Variants in MCM9 observed in about 807,000 individuals in gnomAD.
The protein encoded by MCM9 is DNA helicase MCM9.
MCM9 carries 55 observed loss-of-function variants against 72.8 expected under a neutral mutation model. The ratio of observed to expected loss-of-function variants is 0.76; its 90% CI spans 0.61 to 0.95. The LOEUF (loss-of-function observed/expected upper bound fraction) is 0.95. Among genes scored for constraint, MCM9 ranks in the 40% least tolerant of loss-of-function variants. The pLI is 0.00. For synonymous variants in MCM9, 480 were observed against 503.4 expected, an observed-to-expected ratio of 0.95 and a Z score of 0.62; for missense variants, 1,279 against 1,377.0, an observed-to-expected ratio of 0.93 and a Z score of 1.13.
At chr6:118,831,445 G>A (rs1418021258) in intron 9 of MCM9, among the ~76,000 whole-genome samples, 1 of 151,854 alleles carries the variant, frequency 6.6e-6, no homozygotes, top group African/African-American at 2.4e-5. Context: ...TAGGAGCAAG[G>A]AAAATACGGG....
At position 118,930,364 on chromosome 6, in the gene MCM9, G is replaced by T. The variant is rs12234134; in HGVS notation, c.304+1056C>A. Reference sequence around the variant, plus strand: ...CCTGACCTTGCGATCTGCCCGCCTTGGCCTCCCAAAGTGCTGGGATTACAG... The same window carrying T: ...CCTGACCTTGCGATCTGCCCGCCTTTGCCTCCCAAAGTGCTGGGATTACAG... On this transcript the variant is annotated intron_variant, in intron 3 of 13. Coordinates refer to ENST00000619706, the MANE Select transcript of MCM9 (RefSeq NM_017696.3). Among the ~76,000 whole-genome samples the T allele has an allele frequency of 3.3e-5, 5 of 152,186 alleles. No individual in the cohort carries two copies. The East Asian group carries it at 9.7e-4, about 29-fold the overall frequency.
At chr6:118,886,868 C>T (rs185377435) in intron 8 of MCM9, among the ~76,000 whole-genome samples, 351 of 152,152 alleles carry the variant, frequency 2.3e-3, no homozygotes, top group African/African-American at 7.9e-3. Context: ...TGGAGGCTGA[C>T]GTTGGGGGAT....
rs1776561008 is a variant in MCM9 at position 118,856,479 on chromosome 6, G to C, written c.1217C>G (p.Ala406Gly). The C allele has an allele frequency of 2.0e-6, 3 of 1,535,634 alleles. No individual in the cohort carries two copies. The highest frequency in any genetic ancestry group is 2.7e-5 in the African/African-American group (2 of 73,142). The change falls in exon 9 of 14, where the codon GCA (alanine) becomes GGA (glycine). Residue 406 changes from alanine (A) to glycine (G), a missense_variant. By Grantham distance (60) the Ala-to-Gly change is moderately conservative. Transcript: ENST00000619706. ...ATCAATACAGCAAAGGCCCGCATCTGCAAGAACTAATGCCCCAGCCTCCAA... is the reference window on the plus strand; with the variant it reads ...ATCAATACAGCAAAGGCCCGCATCTCCAAGAACTAATGCCCCAGCCTCCAA... ...WNLEAGALVL[A>G]DAGLCCIDEF...
chr6:118,873,805 C>T (rs1777766915), intron 8 of MCM9, among the ~76,000 whole-genome samples: 2 of 152,112 alleles, frequency 1.3e-5, no homozygotes, highest in African/African-American at 4.8e-5. Flanking sequence ...AATACCACAC[C>T]AGATAAAGAC....
intron 9 of MCM9, among the ~76,000 whole-genome samples, chr6:118,830,912 A>T (rs1774498650): frequency 6.6e-6 from 1 of 152,196 alleles, no homozygotes; most frequent in South Asian, 2.1e-4. Context: ...CCAGATCGTA[A>T]GTGTGCAAGG....
Position 118,913,303 on chromosome 6 carries a change from C to A in MCM9, c.1022G>T (p.Arg341Leu), listed in dbSNP as rs141321179. Residue 341 changes from arginine (R) to leucine (L), a missense_variant, in exon 7 of 14, where the codon CGG becomes CTG. By Grantham distance (102) the Arg-to-Leu change is moderately radical. Transcript: ENST00000619706. ...GIQRTDATGT[R>L]VRGESHLLLV... Reference sequence around the variant, plus strand: ...TCTAAATAGGTACTAACCTCTGACCCGTGTTCCTGTAGCATCAGTCCTTTG... The same window carrying A: ...TCTAAATAGGTACTAACCTCTGACCAGTGTTCCTGTAGCATCAGTCCTTTG... 6.2e-7 allele frequency: 1 copy of A among 1,614,058 alleles called. No individual in the cohort carries two copies. The highest frequency in any genetic ancestry group is 2.2e-5 in the East Asian group (1 of 44,878).
At chr6:118,838,192 A>T (rs1047405544) in intron 9 of MCM9, among the ~76,000 whole-genome samples, 107 of 130,144 alleles carry the variant, frequency 8.2e-4, no homozygotes, top group African/African-American at 3.1e-3. Context: ...ACGGAGTCTC[A>T]CCCTGTCACC....
chr6:118,866,296 T>C (rs781242587), intron 8 of MCM9, among the ~76,000 whole-genome samples: 16 of 151,918 alleles, frequency 1.1e-4, no homozygotes, highest in Non-Finnish European at 1.8e-4. Flanking sequence ...GAAACCAAAA[T>C]AGAGAGTCAT....
At chr6:118,880,830 C>T (rs890273288) in intron 8 of MCM9, among the ~76,000 whole-genome samples, 9 of 152,118 alleles carry the variant, frequency 5.9e-5, no homozygotes, top group African/African-American at 2.2e-4. Flanking sequence ...AACAATTCAG[C>T]AAACATTTAT....
intron 5 of MCM9, chr6:118,921,803 C>T: frequency 4.6e-6 from 2 of 434,164 alleles, no homozygotes; most frequent in Non-Finnish European, 8.2e-6. Flanking sequence ...AAAACAAGCA[C>T]CTGGACTAGC....
At chr6:118,824,454 G>A (rs191724895) in intron 13 of MCM9, among the ~76,000 whole-genome samples, 88 of 151,696 alleles carry the variant, frequency 5.8e-4, no homozygotes, top group African/African-American at 1.8e-3. Flanking sequence ...AATTACAGGC[G>A]CCCGCCAACA....
Position 118,829,621 on chromosome 6 carries a change from G to A in MCM9, c.1326-371C>T, listed in dbSNP as rs1486537049. Among the ~76,000 whole-genome samples the A allele has an allele frequency of 2.6e-5, 4 of 152,250 alleles. No homozygotes were observed. The East Asian group carries it at 5.8e-4, about 22-fold the overall frequency. On this transcript the variant is annotated intron_variant, in intron 9 of 13. Coordinates refer to ENST00000619706, the MANE Select transcript of MCM9 (RefSeq NM_017696.3). Reference sequence around the variant, plus strand: ...AGTTCTAAAAGAATAAAGTTCCCAGGGGAAATAGGGATGATGTATATTCAT... The same window carrying A: ...AGTTCTAAAAGAATAAAGTTCCCAGAGGAAATAGGGATGATGTATATTCAT...
intron 4 of MCM9, 27 bp from the exon 5 acceptor site, chr6:118,922,113 G>T: frequency 6.4e-7 from 1 of 1,558,390 alleles, no homozygotes; most frequent in Non-Finnish European, 8.8e-7. Flanking sequence ...AACAGATTCT[G>T]AGTATGCTTA....
At chr6:118,925,659 C>T (rs1176969571) in intron 3 of MCM9, among the ~76,000 whole-genome samples, 1 of 152,152 alleles carries the variant, frequency 6.6e-6, no homozygotes, top group Non-Finnish European at 1.5e-5. Flanking sequence ...TTCTATGCTT[C>T]TAAGACTGAC....
intron 8 of MCM9, among the ~76,000 whole-genome samples, chr6:118,910,248 T>C (rs191123470): frequency 7.9e-5 from 12 of 152,156 alleles, no homozygotes; most frequent in Admixed American, 7.9e-4. Context: ...ACTTTGAAAG[T>C]GCTGGTTTTG....
At chr6:118,823,056 G>T (rs926414642) in intron 13 of MCM9, among the ~76,000 whole-genome samples, 1 of 152,168 alleles carries the variant, frequency 6.6e-6, no homozygotes, top group Non-Finnish European at 1.5e-5. Context: ...CTCCATGGGA[G>T]TGGGACCCAC....
intron 8 of MCM9, chr6:118,911,349 T>TC (rs1780531666): frequency 9.2e-7 from 1 of 1,083,528 alleles, no homozygotes; most frequent in East Asian, 6.2e-5. Flanking sequence ...TTCCAGTTGC[T>TC]GAGTCTTGAT....
chr6:118,815,177 C>G lies in MCM9; in HGVS notation c.3079G>C (p.Gly1027Arg). 1 of 1,550,580 alleles carries G rather than the reference C, an allele frequency of 6.4e-7. No individual in the cohort carries two copies. Among genetic ancestry groups the G allele is most frequent in the East Asian group, 2.4e-5 (1 of 40,908 alleles). Residue 1027 changes from glycine (G) to arginine (R), a missense_variant, in exon 14 of 14, where the codon GGG becomes CGG. Coordinates refer to ENST00000619706, the MANE Select transcript of MCM9 (RefSeq NM_017696.3). ...QPELELGNET[G>R]CAHLTCEGDK... ...CCCTCACAAGTAAGATGAGCACACC[C>G]AGTCTCGTTCCCAAGCTCTAATTCA...
chr6:118,894,851 T>A (rs1047527027), intron 8 of MCM9, among the ~76,000 whole-genome samples: 13 of 152,114 alleles, frequency 8.5e-5, no homozygotes, highest in Admixed American at 5.2e-4. Flanking sequence ...CCGGGCTGGC[T>A]CCGCGCCGCC....
Sources: allele counts gnomAD v4.1 joint callset (sites outside exome capture counted in the v4.1 genomes callset), GRCh38; gene constraint gnomAD v4.1.1; transcripts MANE v1.5; gene names NCBI Gene and HGNC (gene_info 2026-07-23, HGNC 2026-07-21).